Variants in ZSCAN30 observed in about 807,000 individuals in gnomAD.
ZSCAN30 encodes the protein zinc finger and SCAN domain-containing protein 30.
Under a neutral mutation model 44.3 loss-of-function variants are expected in ZSCAN30, and 37 were observed. That is an observed-to-expected ratio of 0.84 (90% confidence interval 0.64 to 1.10). The LOEUF (loss-of-function observed/expected upper bound fraction) is 1.10. Among genes scored for constraint, ZSCAN30 ranks in the 50% least tolerant of loss-of-function variants. The pLI is 0.00. For missense variants in ZSCAN30, 549 were observed against 582.6 expected, an observed-to-expected ratio of 0.94 and a Z score of 0.59; for synonymous variants, 181 against 204.6, an observed-to-expected ratio of 0.88 and a Z score of 0.98.
chr18:35,286,887 G>A (rs1285873962), intron 1 of ZSCAN30, among the ~76,000 whole-genome samples: 2 of 152,042 alleles, frequency 1.3e-5, no homozygotes, highest in Non-Finnish European at 2.9e-5. Context: ...GGAAAGGAAG[G>A]AGTAAAACTG....
At chr18:35,262,428 TC>T (rs927274691) in intron 3 of ZSCAN30, 1 of 152,236 alleles carries the variant, frequency 6.6e-6, no homozygotes, top group Non-Finnish European at 1.5e-5. Context: ...ATTTATTGCC[TC>T]AGTTTCAAAT....
In ZSCAN30 at chr18:35,263,928, A is replaced by G. The variant is rs769949072; in HGVS notation, c.408+17T>C. ...AACTTACAATAGATCAAACAAACAA[A>G]AATGTTTACTTCTTACCTGTTGCCT... is the stretch of plus-strand genomic sequence containing the variant. On this transcript the variant is annotated intron_variant, in intron 2 of 3. Coordinates refer to ENST00000333206, the MANE Select transcript of ZSCAN30 (RefSeq NM_001112734.4). 34 of 1,606,494 alleles carry G rather than the reference A, an allele frequency of 2.1e-5. No individual in the cohort carries two copies. Among genetic ancestry groups the G allele is most frequent in the Non-Finnish European group, 2.9e-5 (34 of 1,175,394 alleles).
At chr18:35,263,882 C>G (rs1425215494) in intron 2 of ZSCAN30, 63 bp downstream of exon 2, 2 of 1,548,232 alleles carry the variant, frequency 1.3e-6, no homozygotes, top group Non-Finnish European at 1.7e-6. Context: ...ATGCCCCAGT[C>G]ATAATTATGG....
chr18:35,266,357 G>GC (rs1292581236), intron 1 of ZSCAN30, among the ~76,000 whole-genome samples: 1 of 152,082 alleles, frequency 6.6e-6, no homozygotes, highest in Non-Finnish European at 1.5e-5. Flanking sequence ...GGGGTTTGTT[G>GC]CAACCATTCA....
chr18:35,263,345 G>A (rs529376755), intron 3 of ZSCAN30, 168 bp downstream of exon 3: 14 of 751,168 alleles, frequency 1.9e-5, no homozygotes, highest in East Asian at 5.2e-5. Context: ...AAATGATACT[G>A]GAATTTCAGA....
chr18:35,279,929 G>T lies in ZSCAN30; in HGVS notation c.-104+10155C>A, dbSNP rs920181124. 4.6e-5 allele frequency among the ~76,000 whole-genome samples: 7 copies of T among 152,050 alleles called. No homozygotes were observed. The East Asian group carries it at 1.4e-3, about 29-fold the overall frequency. On this transcript the variant is annotated intron_variant, in intron 1 of 3. Transcript: ENST00000333206. Reference sequence around the variant, plus strand: ...GGTTAGGGCTTGAACCTATCTTTTGGGGGGATACAATTCAATCCACAACAA... The same window carrying T: ...GGTTAGGGCTTGAACCTATCTTTTGTGGGGATACAATTCAATCCACAACAA...
At position 35,263,095 on chromosome 18, in the gene ZSCAN30, G is replaced by GCCA. The variant is rs76909276; in HGVS notation, c.553+415_553+417dup. The GCCA allele has an allele frequency of 6.4e-4, 193 of 302,482 alleles. 3 individuals carry two copies. The East Asian group carries it at 0.02, about 31-fold the overall frequency. 18.7% of individuals were successfully genotyped at this position (302,482 alleles called of 1,614,324 possible). On this transcript the variant is annotated intron_variant, in intron 3 of 3. Transcript: ENST00000333206. ...GAGCTTTGAATATTATGGATATTTA[G>GCCA]CCAGGCATGGTGGTGTACAACTGTA...
intron 1 of ZSCAN30, among the ~76,000 whole-genome samples, chr18:35,275,107 TTA>T (rs1348539828): frequency 6.6e-6 from 1 of 151,342 alleles, no homozygotes; most frequent in African/African-American, 2.4e-5. Context: ...TTGTGTGCAG[TTA>T]TGAGGCAGAG....
intron 1 of ZSCAN30, among the ~76,000 whole-genome samples, chr18:35,271,144 TC>T (rs1357127655): frequency 2.0e-5 from 3 of 152,094 alleles, no homozygotes; most frequent in African/African-American, 4.8e-5. Flanking sequence ...AAAAAAACCC[TC>T]CGCACTGTGG....
At chr18:35,275,854 A>AT (rs2044358639) in intron 1 of ZSCAN30, among the ~76,000 whole-genome samples, 2 of 151,842 alleles carry the variant, frequency 1.3e-5, no homozygotes, top group Admixed American at 6.6e-5. Context: ...CAGATATCCC[A>AT]TTTTTTTCTC....
chr18:35,270,808 G>A (rs1181670028), intron 1 of ZSCAN30, among the ~76,000 whole-genome samples: 1 of 152,212 alleles, frequency 6.6e-6, no homozygotes, highest in East Asian at 1.9e-4. Context: ...CGCAGTGAGT[G>A]TTAACAGTTC....
intron 1 of ZSCAN30, among the ~76,000 whole-genome samples, chr18:35,289,186 G>A (rs10438944): frequency 0.053 from 8,077 of 152,152 alleles, 342 homozygotes; most frequent in East Asian, 0.17. Flanking sequence ...TTGTTGGCCA[G>A]GCTGGTCTCC....
rs757387225 is a variant in ZSCAN30, at chr18:35,274,193, CTTTTT to C, written c.-103-9743_-103-9739del. Reference sequence around the variant, plus strand: ...ACCATGCCCAGCTAATTTTTGGGGGCTTTTTTTTGCTTGTTTTTTGTTTTGGGTAG... The same window carrying C: ...ACCATGCCCAGCTAATTTTTGGGGGCTTTGCTTGTTTTTTGTTTTGGGTAG... On this transcript the variant is annotated intron_variant, in intron 1 of 3. Coordinates refer to ENST00000333206, the MANE Select transcript of ZSCAN30 (RefSeq NM_001112734.4). Among the ~76,000 whole-genome samples, 8 of 151,804 alleles carry C rather than the reference CTTTTT, an allele frequency of 5.3e-5. No individual in the cohort carries two copies. The East Asian group carries it at 1.6e-3, about 30-fold the overall frequency.
At chr18:35,282,444 T>C (rs775303987) in intron 1 of ZSCAN30, 22 of 152,234 alleles carry the variant, frequency 1.4e-4, no homozygotes, top group Non-Finnish European at 2.9e-4. Flanking sequence ...GGGCAGACCA[T>C]GATGCTTTTA....
intron 1 of ZSCAN30, chr18:35,289,845 G>GC (rs921081503): frequency 6.6e-6 from 1 of 152,240 alleles, no homozygotes; most frequent in East Asian, 1.9e-4. Context: ...GGCTGCCACC[G>GC]CCCCCTCCCC....
At chr18:35,257,999 A>C (rs2043898619) in intron 3 of ZSCAN30, 7 of 780,858 alleles carry the variant, frequency 9.0e-6, no homozygotes, top group South Asian at 8.0e-5. Context: ...TACTTCTGGC[A>C]AGGCATATCA....
In ZSCAN30 at chr18:35,264,092, G is replaced by T. The variant is rs75902053; in HGVS notation, c.261C>A (p.Ile87=). 117,131 of 1,614,072 alleles carry T rather than the reference G, an allele frequency of 0.073. 4,958 individuals carry two copies. Among genetic ancestry groups the T allele is most frequent in the Non-Finnish European group, 0.083 (98,341 of 1,180,004 alleles). ...ACTGCTCCAACATCAGCAGCTCCAGGATCTGCTCCTTGGAGTGCACCTCCG... is the reference window on the plus strand; with the variant it reads ...ACTGCTCCAACATCAGCAGCTCCAGTATCTGCTCCTTGGAGTGCACCTCCG... ...LRPEVHSKEQ[I]LELLMLEQFL... Residue 87 remains isoleucine (I), a synonymous_variant, in exon 2 of 4, where the codon ATC becomes ATA. Coordinates refer to ENST00000333206, the MANE Select transcript of ZSCAN30 (RefSeq NM_001112734.4).
chr18:35,254,193 T>C lies in ZSCAN30; in HGVS notation c.742A>G (p.Ser248Gly), dbSNP rs2043705372. Residue 248 changes from serine to glycine, a missense_variant, in exon 4 of 4, where the codon AGT becomes GGT. Coordinates refer to ENST00000333206, the MANE Select transcript of ZSCAN30 (RefSeq NM_001112734.4). The part of the protein sequence containing the change: ...QKGNAAGNKI[S>G]QLPSQDRHFS... Reference sequence around the variant, plus strand: ...TGTCTGTCCTGGGAAGGAAGCTGACTGATTTTGTTCCCTGCAGCATTTCCC... The same window carrying C: ...TGTCTGTCCTGGGAAGGAAGCTGACCGATTTTGTTCCCTGCAGCATTTCCC... 6.2e-7 allele frequency: 1 copy of C among 1,614,212 alleles called. No homozygotes were observed. Among genetic ancestry groups the C allele is most frequent in the South Asian group, 1.1e-5 (1 of 91,088 alleles).
chr18:35,273,254 T>C (rs75926280), intron 1 of ZSCAN30, among the ~76,000 whole-genome samples: 9 of 152,222 alleles, frequency 5.9e-5, no homozygotes, highest in African/African-American at 1.2e-4. Flanking sequence ...CTCTATAAAT[T>C]TGACTACCCT....
Sources: gnomAD v4.1 joint callset for allele counts (sites outside exome capture counted in the v4.1 genomes callset) on GRCh38, gnomAD v4.1.1 for gene constraint, MANE v1.5 for transcripts, NCBI Gene and HGNC (gene_info 2026-07-23, HGNC 2026-07-21) for gene names.